The following TEX14 variants were observed in gnomAD, a reference collection of about 807,000 sequenced individuals.
The protein encoded by TEX14 is inactive serine/threonine-protein kinase TEX14.
TEX14 carries 168 observed loss-of-function variants against 178.6 expected under a neutral mutation model. The ratio of observed to expected loss-of-function variants is 0.94; its 90% confidence interval spans 0.83 to 1.07. The LOEUF is 1.07. Ranked by LOEUF, TEX14 falls within the 50% of genes least tolerant of loss-of-function variation. The pLI, the probability that TEX14 is intolerant of heterozygous loss-of-function variation, is 0.00. For synonymous variants in TEX14, 626 were observed against 634.1 expected (o/e 0.99, Z 0.19); for missense variants, 1,730 against 1,753.6 (o/e 0.99, Z 0.24).
chr17:58,676,162 G>T (rs896218359), intron 1 of TEX14, among the ~76,000 whole-genome samples: 1 of 152,152 alleles, frequency 6.6e-6, no homozygotes, highest in African/African-American at 2.4e-5. Context: ...GATCACCTGA[G>T]ATCAGGAGTT....
chr17:58,608,831 T>G (rs985274052), intron 10 of TEX14, among the ~76,000 whole-genome samples: 1 of 152,208 alleles, frequency 6.6e-6, no homozygotes, highest in Non-Finnish European at 1.5e-5. Flanking sequence ...GTATTCCAGA[T>G]GCAGAGAGCA....
intron 1 of TEX14, among the ~76,000 whole-genome samples, chr17:58,672,174 C>G (rs2047314669): frequency 6.6e-6 from 1 of 152,148 alleles, no homozygotes; most frequent in Non-Finnish European, 1.5e-5. Context: ...GGCTGCTGAT[C>G]TAACAGGAGG....
At chr17:58,613,350 T>A in intron 9 of TEX14, 71 bp downstream of exon 9, 1 of 1,593,508 alleles carries the variant, frequency 6.3e-7, no homozygotes, top group Non-Finnish European at 8.6e-7. Context: ...TCACCACAGC[T>A]GGGGCAAGAG....
intron 2 of TEX14, among the ~76,000 whole-genome samples, chr17:58,633,076 C>T (rs1462844461): frequency 6.6e-6 from 1 of 152,182 alleles, no homozygotes; most frequent in African/African-American, 2.4e-5. Context: ...TTCTCCCTCA[C>T]TCCAGCCACA....
At chr17:58,659,220 G>A in intron 1 of TEX14, 1 of 232,310 alleles carries the variant, frequency 4.3e-6, no homozygotes, top group Non-Finnish European at 6.0e-6. Context: ...CGGGGAAATC[G>A]CGGGAGCAAA....
chr17:58,670,648 C>A (rs2047288306), intron 1 of TEX14, among the ~76,000 whole-genome samples: 1 of 151,396 alleles, frequency 6.6e-6, no homozygotes, highest in African/African-American at 2.4e-5. Flanking sequence ...TGGCAGGCAC[C>A]TGTAATCCCA....
In TEX14 at chr17:58,602,574, C is replaced by G. The variant is rs1466376669; in HGVS notation, c.1353G>C (p.Lys451Asn). The G allele has an allele frequency of 6.2e-7, 1 of 1,612,478 alleles. No individual in the cohort carries two copies. Among genetic ancestry groups the G allele is most frequent in the East Asian group, 2.2e-5 (1 of 44,864 alleles). The change falls in exon 12 of 32, where the codon AAG becomes AAC. Residue 451 changes from lysine to asparagine, a missense_variant. Physicochemically the swap from Lys to Asn is moderately conservative, Grantham distance 94. Coordinates refer to ENST00000349033, the MANE Select transcript of TEX14 (RefSeq NM_031272.5). Reference sequence around the variant, plus strand: ...TTTTAACAACTGAGCCATCTAAGCCCTTCCAGGGTATGTCATCTGTAAGGA... The same window carrying G: ...TTTTAACAACTGAGCCATCTAAGCCGTTCCAGGGTATGTCATCTGTAAGGA... ...QEILTDDIPW[K>N]GLDGSVVKKA...
At chr17:58,661,407 T>A in intron 1 of TEX14, 1 of 856,048 alleles carries the variant, frequency 1.2e-6, no homozygotes. Flanking sequence ...TCATTTCGGC[T>A]GAACAAGTCA....
rs550571232 is a variant in TEX14 at position 58,631,627 on chromosome 17, A to T, written c.137-1073T>A. ...CCAACTACTATTAACATCTGAAAAA[A>T]AAAAAAACCCAGAACTACTCAGACT... On this transcript the variant is annotated intron_variant, in intron 2 of 31. Transcript: ENST00000349033. 3.7e-4 allele frequency: 56 copies of T among 151,968 alleles called. 1 individual carries two copies. Among genetic ancestry groups the T allele is most frequent in the Admixed American group, 1.2e-3 (18 of 15,260 alleles). 9.4% of individuals were successfully genotyped at this position (151,968 alleles called of 1,614,324 possible).
intron 10 of TEX14, among the ~76,000 whole-genome samples, chr17:58,605,473 T>G (rs1230043713): frequency 6.6e-6 from 1 of 152,226 alleles, no homozygotes; most frequent in East Asian, 1.9e-4. Context: ...ACAACCTCTT[T>G]GAGTTCCTGG....
intron 2 of TEX14, among the ~76,000 whole-genome samples, chr17:58,637,960 C>G (rs1447393430): frequency 6.6e-6 from 1 of 150,512 alleles, no homozygotes; most frequent in African/African-American, 2.4e-5. Flanking sequence ...CTCCCAGGTT[C>G]AAGCAATTCT....
chr17:58,625,905 T>C (rs1311645613), intron 3 of TEX14, among the ~76,000 whole-genome samples: 1 of 151,432 alleles, frequency 6.6e-6, no homozygotes, highest in East Asian at 1.9e-4. Context: ...CATGGCTGGC[T>C]AATTTTTTTT....
Position 58,596,932 on chromosome 17 carries a change from C to T in TEX14, c.2469+1944G>A, listed in dbSNP as rs563771854. Among the ~76,000 whole-genome samples, 101 of 152,140 alleles carry T rather than the reference C, an allele frequency of 6.6e-4. 6 individuals carry two copies. In the South Asian group the frequency reaches 0.021, roughly 32 times the overall value. ...ACTCCAGCAAAAATAAATGCCAATG[C>T]TTTTCCAAATGTTCTAAGTGAGGAC... is the stretch of plus-strand genomic sequence containing the variant. On this transcript the variant is annotated intron_variant, in intron 14 of 31. Transcript: ENST00000349033.
chr17:58,643,828 C>T (rs995527610), intron 2 of TEX14, among the ~76,000 whole-genome samples: 8 of 137,538 alleles, frequency 5.8e-5, no homozygotes, highest in Non-Finnish European at 9.2e-5. Context: ...GCCGAGATTG[C>T]GCCACTTCAC....
At chr17:58,640,010 C>A (rs947031575) in intron 2 of TEX14, among the ~76,000 whole-genome samples, 1 of 152,054 alleles carries the variant, frequency 6.6e-6, no homozygotes, top group Admixed American at 6.6e-5. Context: ...TGCTGGTATA[C>A]ATAATGGTAA....
chr17:58,589,307 A>C (rs1156653892), intron 15 of TEX14, among the ~76,000 whole-genome samples: 1 of 151,758 alleles, frequency 6.6e-6, no homozygotes, highest in African/African-American at 2.4e-5. Context: ...TCATGCCTGT[A>C]ATCCCAGCAC....
At chr17:58,641,673 A>C (rs1369939449) in intron 2 of TEX14, among the ~76,000 whole-genome samples, 2 of 151,060 alleles carry the variant, frequency 1.3e-5, no homozygotes, top group Non-Finnish European at 3.0e-5. Flanking sequence ...CACTCAGCTA[A>C]TTTTTGTATT....
intron 19 of TEX14, among the ~76,000 whole-genome samples, chr17:58,584,173 G>C (rs1034592470): frequency 6.6e-6 from 1 of 152,148 alleles, no homozygotes; most frequent in Non-Finnish European, 1.5e-5. Flanking sequence ...ACTCCTAACT[G>C]ACCTCAGTCG....
chr17:58,634,533 A>G (rs983874507), intron 2 of TEX14, among the ~76,000 whole-genome samples: 2 of 152,166 alleles, frequency 1.3e-5, no homozygotes, highest in African/African-American at 2.4e-5. Context: ...TGGTATGTCT[A>G]TGTCCTCTAC....
Sources: gnomAD v4.1 joint callset for allele counts (sites outside exome capture counted in the v4.1 genomes callset) on GRCh38, gnomAD v4.1.1 for gene constraint, MANE v1.5 for transcripts, NCBI Gene and HGNC (gene_info 2026-07-23, HGNC 2026-07-21) for gene names.